Variants in CASP10 observed in about 807,000 individuals in gnomAD.
CASP10 encodes caspase-10.
Under a neutral mutation model 48.5 loss-of-function variants are expected in CASP10, and 41 were observed. The ratio of observed to expected loss-of-function variants is 0.85; its 90% CI spans 0.66 to 1.10. The LOEUF (loss-of-function observed/expected upper bound fraction) is 1.10, where lower values mean the gene tolerates loss of function less well. Ranked by LOEUF, CASP10 falls within the 50% of genes least tolerant of loss-of-function variation. The pLI is 0.00. For synonymous variants in CASP10, 232 were observed against 238.4 expected (o/e 0.97, Z 0.25); for missense variants, 614 against 614.5 (o/e 1.00, Z 0.01).
In CASP10 at chr2:201,197,666, C is replaced by T. The variant is rs41397649; in HGVS notation, c.684+1718C>T. ...AGTTAAGTTTCTATAGCATACAGTT[C>T]GTTGTTTCACTTAAAGGCGGAGTTA... On this transcript the variant is annotated intron_variant, in intron 5 of 9. Coordinates refer to ENST00000286186, the MANE Select transcript of CASP10 (RefSeq NM_032977.4). 7.3e-3 allele frequency among the ~76,000 whole-genome samples: 1,106 copies of T among 152,204 alleles called. 12 individuals are homozygous for T. The highest frequency in any genetic ancestry group is 0.024 in the Middle Eastern group (7 of 294).
chr2:201,214,375 T>C (rs543205660), intron 9 of CASP10: 3 of 152,230 alleles, frequency 2.0e-5, no homozygotes, highest in Non-Finnish European at 4.4e-5. Flanking sequence ...AATATGGAAA[T>C]ACAGGGTTTT....
At chr2:201,202,014 C>A (rs1162100275) in intron 5 of CASP10, among the ~76,000 whole-genome samples, 1 of 152,152 alleles carries the variant, frequency 6.6e-6, no homozygotes, top group Non-Finnish European at 1.5e-5. Flanking sequence ...CCGCACCCAG[C>A]AAATTTTTTG....
In CASP10 at chr2:201,185,839, G is replaced by C. The variant is rs140813639; in HGVS notation, c.62G>C (p.Arg21Pro). ...GATAAAAACTGTAAAGTGAGCTTTCGTGAGAAGCTTCTGATTATTGATTCA... is the reference window on the plus strand; with the variant it reads ...GATAAAAACTGTAAAGTGAGCTTTCCTGAGAAGCTTCTGATTATTGATTCA... ...SSDKNCKVSF[R>P]EKLLIIDSNL... The change falls in exon 2 of 10, where the codon CGT becomes CCT. Residue 21 changes from arginine (R) to proline (P), a missense_variant. Physicochemically the swap from Arg to Pro is moderately radical, Grantham distance 103. Coordinates refer to ENST00000286186, the MANE Select transcript of CASP10 (RefSeq NM_032977.4). The C allele has an allele frequency of 3.1e-6, 5 of 1,614,086 alleles. No individual in the cohort carries two copies. In the East Asian group the frequency reaches 6.7e-5, roughly 22 times the overall value.
chr2:201,206,586 T>G (rs1945215201), intron 7 of CASP10, among the ~76,000 whole-genome samples: 1 of 147,724 alleles, frequency 6.8e-6, no homozygotes, highest in East Asian at 1.9e-4. Flanking sequence ...TATATATACT[T>G]ATATATTAAG....
chr2:201,192,919 G>A (rs1332731505), intron 3 of CASP10, 65 bp from the exon 4 acceptor site: 1 of 1,539,546 alleles, frequency 6.5e-7, no homozygotes, highest in African/African-American at 1.4e-5. Flanking sequence ...TGGCCATGCA[G>A]ATAACATTTG....
downstream of CASP10, among the ~76,000 whole-genome samples, chr2:201,224,493 A>G (rs951830973): frequency 3.3e-5 from 5 of 152,172 alleles, 1 homozygote; most frequent in Admixed American, 3.3e-4. Context: ...AGTAGGTAAT[A>G]TTTTTATAAA....
At chr2:201,194,753 T>G (rs1401051507) in intron 4 of CASP10, among the ~76,000 whole-genome samples, 1 of 152,212 alleles carries the variant, frequency 6.6e-6, no homozygotes, top group Non-Finnish European at 1.5e-5. Flanking sequence ...TTTGCCTCAG[T>G]GAGTCTTGAA....
At chr2:201,214,261 T>G (rs927325097) in intron 9 of CASP10, 24 of 152,212 alleles carry the variant, frequency 1.6e-4, no homozygotes, top group African/African-American at 5.1e-4. Context: ...CCCCATCGGG[T>G]GATAATAATT....
At position 201,185,890 on chromosome 2, in the gene CASP10, A is replaced by G; in HGVS notation, c.113A>G (p.Asn38Ser). The G allele has an allele frequency of 1.2e-6, 2 of 1,614,100 alleles. No homozygotes were observed. The highest frequency in any genetic ancestry group is 2.2e-5 in the South Asian group (2 of 91,080). ...AACCTGGGGGTCCAAGATGTGGAGA[A>G]CCTCAAGTTTCTCTGCATAGGATTG... ...DSNLGVQDVE[N>S]LKFLCIGLVP... is the part of the protein sequence containing the mutation. Residue 38 changes from asparagine to serine, a missense_variant, in exon 2 of 10, where the codon AAC (asparagine) becomes AGC (serine). Coordinates refer to ENST00000286186, the MANE Select transcript of CASP10 (RefSeq NM_032977.4).
chr2:201,186,213 A>T (rs764302349), intron 2 of CASP10, 89 bp downstream of exon 2: 48 of 948,406 alleles, frequency 5.1e-5, no homozygotes, highest in Admixed American at 5.9e-5. Flanking sequence ...TGCAGTTAAG[A>T]TCTTTTGGTT....
chr2:201,205,976 C>G lies in CASP10; in HGVS notation c.813+3C>G, dbSNP rs1210811505. ...TAAACTCTGAAACCAGCACAAAGGT[C>G]TGGATGGTTTCTTTTATTCCTTTTT... On this transcript the variant is annotated splice_donor_region_variant and intron_variant, in intron 7 of 9. Coordinates refer to ENST00000286186, the MANE Select transcript of CASP10 (RefSeq NM_032977.4). 6.9e-6 allele frequency: 11 copies of G among 1,597,084 alleles called. No homozygotes were observed. Among genetic ancestry groups the G allele is most frequent in the Non-Finnish European group, 3.4e-6 (4 of 1,165,036 alleles).
At chr2:201,207,389 G>T (rs540898522) in intron 7 of CASP10, among the ~76,000 whole-genome samples, 1 of 152,096 alleles carries the variant, frequency 6.6e-6, no homozygotes, top group Non-Finnish European at 1.5e-5. Flanking sequence ...GGGAGGCTGA[G>T]GTGGGCGAAT....
chr2:201,203,053 T>G (rs2126036772), intron 5 of CASP10, among the ~76,000 whole-genome samples: 1 of 152,336 alleles, frequency 6.6e-6, no homozygotes, highest in South Asian at 2.1e-4. Flanking sequence ...TTTCTCCATA[T>G]GACAGCATCC....
At position 201,208,060 on chromosome 2, in the gene CASP10, T is replaced by C. The variant is rs764264041; in HGVS notation, c.814-15T>C. On this transcript the variant is annotated splice_polypyrimidine_tract_variant and intron_variant, in intron 7 of 9. Coordinates refer to ENST00000286186, the MANE Select transcript of CASP10 (RefSeq NM_032977.4). ...GATAAGGATTCCTACTAAGTGGCTCTATCTATTCTTCAAGAGGGCAGCTGT... is the reference window on the plus strand; with the variant it reads ...GATAAGGATTCCTACTAAGTGGCTCCATCTATTCTTCAAGAGGGCAGCTGT... The C allele has an allele frequency of 1.3e-6, 2 of 1,593,222 alleles. No individual in the cohort carries two copies. The highest frequency in any genetic ancestry group is 4.5e-5 in the East Asian group (2 of 44,758).
At chr2:201,184,160 GT>G (rs527664938) in intron 1 of CASP10, among the ~76,000 whole-genome samples, 34 of 152,186 alleles carry the variant, frequency 2.2e-4, no homozygotes, top group South Asian at 8.3e-4. Context: ...GTCTCCTGAA[GT>G]GCTTCTCTGA....
chr2:201,213,957 G>A (rs1230996667), intron 9 of CASP10: 3 of 152,142 alleles, frequency 2.0e-5, no homozygotes, highest in Non-Finnish European at 4.4e-5. Context: ...CCAATTTTAG[G>A]AGCACTGCTG....
intron 5 of CASP10, among the ~76,000 whole-genome samples, chr2:201,199,476 C>A (rs1944931974): frequency 6.6e-6 from 1 of 151,610 alleles, no homozygotes; most frequent in Non-Finnish European, 1.5e-5. Flanking sequence ...CATAGTGAGA[C>A]CCTCTCTAAA....
rs1334814653 is a variant in CASP10 at position 201,190,479 on chromosome 2, T to G, written c.442-2505T>G. On this transcript the variant is annotated intron_variant, in intron 3 of 9. Transcript: ENST00000286186. ...GGTACAAAGCAATTACCTGCTCAAATGGTAGCATTATACCTTAAATACAGA... is the reference window on the plus strand; with the variant it reads ...GGTACAAAGCAATTACCTGCTCAAAGGGTAGCATTATACCTTAAATACAGA... 2.6e-5 allele frequency among the ~76,000 whole-genome samples: 4 copies of G among 152,302 alleles called. No individual in the cohort carries two copies. In the East Asian group the frequency reaches 7.7e-4, roughly 29 times the overall value.
chr2:201,184,199 C>T (rs1944330250), intron 1 of CASP10, among the ~76,000 whole-genome samples: 1 of 152,034 alleles, frequency 6.6e-6, no homozygotes. Flanking sequence ...ATGTAGAATA[C>T]CATAGTTTAT....
Sources: gnomAD v4.1 joint callset for allele counts (sites outside exome capture counted in the v4.1 genomes callset) on GRCh38, gnomAD v4.1.1 for gene constraint, MANE v1.5 for transcripts, NCBI Gene and HGNC (gene_info 2026-07-23, HGNC 2026-07-21) for gene names.